PAX2: variants seen among roughly 807,000 people sequenced by gnomAD.
PAX2 encodes the protein paired box protein Pax-2.
PAX2 carries 9 observed loss-of-function variants against 41.7 expected under a neutral mutation model. That is an observed-to-expected ratio of 0.22 (90% confidence interval 0.13 to 0.38). The LOEUF (loss-of-function observed/expected upper bound fraction) is 0.38, where lower values mean the gene tolerates loss of function less well. PAX2 is among the 10% of genes least tolerant of loss of function. The pLI, the probability that PAX2 is intolerant of heterozygous loss-of-function variation, is 1.00. For missense variants in PAX2, 418 were observed against 531.6 expected (o/e 0.79, Z 2.10); for synonymous variants, 221 against 212.7 (o/e 1.04, Z -0.34).
chr10:100,792,666 C>T (rs986433324), intron 5 of PAX2, among the ~76,000 whole-genome samples: 2 of 152,196 alleles, frequency 1.3e-5, no homozygotes, highest in Non-Finnish European at 2.9e-5. Context: ...GTGCTAGGCA[C>T]AGGAGGCAGA....
intron 5 of PAX2, among the ~76,000 whole-genome samples, chr10:100,805,828 C>T (rs1401923659): frequency 1.3e-5 from 2 of 152,184 alleles, no homozygotes; most frequent in African/African-American, 2.4e-5. Context: ...TCTTTCCTCC[C>T]GCTTGGTTTC....
At chr10:100,745,136 C>A (rs7914238), upstream of PAX2, among the ~76,000 whole-genome samples, 37 of 152,226 alleles carry the variant, frequency 2.4e-4, no homozygotes, top group African/African-American at 8.7e-4. Context: ...CAGGGCTGGG[C>A]GAGTTAGAAC....
At chr10:100,787,584 G>A (rs1000555373) in intron 5 of PAX2, among the ~76,000 whole-genome samples, 10 of 151,998 alleles carry the variant, frequency 6.6e-5, no homozygotes, top group Non-Finnish European at 1.5e-4. Context: ...ACTGCTGCCC[G>A]CCTCCTGCTT....
chr10:100,749,362 G>A, intron 1 of PAX2: 10 of 1,029,598 alleles, frequency 9.7e-6, no homozygotes, highest in South Asian at 8.8e-5. Flanking sequence ...ATGCTGCTTC[G>A]CACTAGTCCA....
rs1048275733 is a variant in PAX2 at position 100,750,253 on chromosome 10, A to G, written c.212+339A>G. ...TTAGAGGAATGGGGGGGGAGTGAAA[A>G]TGGGTCCCCGAGAGGAGAAGCAGCA... On this transcript the variant is annotated intron_variant, in intron 2 of 9. Coordinates refer to ENST00000355243, the MANE Select transcript of PAX2 (RefSeq NM_000278.5). This position sits in a 1 kb window ranked among gnomAD's most constrained non-coding sequence, Gnocchi z 4.1. Among the ~76,000 whole-genome samples, 2 of 151,940 alleles carry G rather than the reference A, an allele frequency of 1.3e-5. No homozygotes were observed. Among genetic ancestry groups the G allele is most frequent in the African/African-American group, 4.8e-5 (2 of 41,332 alleles).
chr10:100,813,972 A>T (rs1053996807), intron 7 of PAX2, among the ~76,000 whole-genome samples: 2 of 152,232 alleles, frequency 1.3e-5, no homozygotes, highest in Non-Finnish European at 2.9e-5. Flanking sequence ...AGCAATAAAC[A>T]GAACAGTTAA....
chr10:100,754,443 G>A (rs1845559246), intron 3 of PAX2, among the ~76,000 whole-genome samples: 1 of 152,130 alleles, frequency 6.6e-6, no homozygotes, highest in African/African-American at 2.4e-5. Flanking sequence ...AGTGGACCCT[G>A]GCAGAATCAA....
At chr10:100,739,855 G>T (rs1844892591) in intron 1 of PAX2, among the ~76,000 whole-genome samples, 1 of 152,214 alleles carries the variant, frequency 6.6e-6, no homozygotes, top group Non-Finnish European at 1.5e-5. Context: ...CTTCGCCAGC[G>T]ACACTCAGCC....
rs538650786 is a variant in PAX2, at chr10:100,809,764, C to T, written c.919+528C>T. ...AGATGAGTACAATTATTCCAGCCTT[C>T]CTCCTGCTTCCCAGAGAGGTCAGTG... On this transcript the variant is annotated intron_variant, in intron 7 of 9. Coordinates refer to ENST00000355243, the MANE Select transcript of PAX2 (RefSeq NM_000278.5). 5.6e-4 allele frequency among the ~76,000 whole-genome samples: 85 copies of T among 152,318 alleles called. 1 individual carries two copies. In the South Asian group the frequency reaches 0.017, roughly 31 times the overall value.
rs1265733748 is a variant in PAX2 at position 100,805,066 on chromosome 10, AC to A, written c.617-1363del. Among the ~76,000 whole-genome samples the A allele has an allele frequency of 3.9e-4, 46 of 117,832 alleles. No individual in the cohort carries two copies. In the East Asian group the frequency reaches 9.7e-3, roughly 25 times the overall value. 77.3% of individuals were successfully genotyped at this position (117,832 alleles called of 152,430 possible). A position where few individuals can be genotyped will look rare whatever the true frequency, so the allele number is the denominator to read the frequency against. Reference sequence around the variant, plus strand: ...CACACACACACACACACACACACACACACACACACTTTCTTTGCTTTCCCAC... The same window carrying A: ...CACACACACACACACACACACACACAACACACACTTTCTTTGCTTTCCCAC... On this transcript the variant is annotated intron_variant, in intron 5 of 9. Transcript: ENST00000355243.
At chr10:100,749,068 A>G in intron 1 of PAX2, 1 of 985,452 alleles carries the variant, frequency 1.0e-6, no homozygotes, top group Non-Finnish European at 1.2e-6. Context: ...TCAGATACTA[A>G]GGAGGTGAAA....
chr10:100,798,130 G>A (rs1322665898), intron 5 of PAX2, among the ~76,000 whole-genome samples: 3 of 73,794 alleles, frequency 4.1e-5, no homozygotes, highest in Non-Finnish European at 7.1e-5. Flanking sequence ...TTTTTTTTTA[G>A]ACAGGGTCAG....
intron 5 of PAX2, among the ~76,000 whole-genome samples, chr10:100,795,234 G>A (rs931875512): frequency 2.6e-5 from 4 of 152,148 alleles, no homozygotes; most frequent in Admixed American, 6.5e-5. Flanking sequence ...GGTTTACATC[G>A]ATGAGCAAAT....
intron 3 of PAX2, among the ~76,000 whole-genome samples, chr10:100,772,079 A>G (rs928417229): frequency 2.6e-5 from 4 of 151,746 alleles, no homozygotes; most frequent in Non-Finnish European, 4.4e-5. Flanking sequence ...TGTTGTGATT[A>G]CAGGCGTGAG....
intron 7 of PAX2, among the ~76,000 whole-genome samples, chr10:100,817,789 T>C (rs1028332133): frequency 2.6e-5 from 4 of 152,170 alleles, no homozygotes; most frequent in African/African-American, 9.7e-5. Flanking sequence ...ACTCAAATCC[T>C]GGGAGGATTT....
At chr10:100,820,044 C>T (rs1453912113) in intron 7 of PAX2, among the ~76,000 whole-genome samples, 2 of 152,200 alleles carry the variant, frequency 1.3e-5, no homozygotes, top group African/African-American at 4.8e-5. Flanking sequence ...CTTTAAGATT[C>T]TCCACTACCA....
chr10:100,771,728 T>C (rs1185973408), intron 3 of PAX2, among the ~76,000 whole-genome samples: 2 of 152,178 alleles, frequency 1.3e-5, no homozygotes. Flanking sequence ...GTGCCTGATA[T>C]AGGCAGCTCT....
chr10:100,773,221 T>C (rs535155442), intron 3 of PAX2, among the ~76,000 whole-genome samples: 6 of 152,346 alleles, frequency 3.9e-5, no homozygotes, highest in African/African-American at 1.2e-4. Flanking sequence ...AACTATTTAT[T>C]TGAAGTACAT....
intron 3 of PAX2, among the ~76,000 whole-genome samples, chr10:100,756,412 G>A (rs1308474123): frequency 1.3e-5 from 2 of 152,208 alleles, no homozygotes; most frequent in Non-Finnish European, 1.5e-5. Flanking sequence ...GAACAATGGT[G>A]TAAAAGTGAC....
Sources: allele counts gnomAD v4.1 joint callset (sites outside exome capture counted in the v4.1 genomes callset), GRCh38; gene constraint gnomAD v4.1.1; non-coding constraint Gnocchi (gnomAD v3.1); transcripts MANE v1.5; gene names NCBI Gene and HGNC (gene_info 2026-07-23, HGNC 2026-07-21).